GPHN: variants seen among roughly 807,000 people sequenced by gnomAD.
GPHN encodes gephyrin.
GPHN carries 17 observed loss-of-function variants against 95.5 expected under a neutral mutation model. The ratio of observed to expected loss-of-function variants is 0.18; its 90% CI spans 0.12 to 0.27. The LOEUF is 0.27. GPHN is among the 10% of genes least tolerant of loss of function. GPHN has a pLI of 1.00. For missense variants in GPHN, 660 were observed against 978.1 expected (o/e 0.67, Z 4.34); for synonymous variants, 320 against 322.5 (o/e 0.99, Z 0.08).
the GPHN span, chr14:67,336,587 C>T: frequency 2.7e-6 from 1 of 373,842 alleles, no homozygotes; most frequent in Non-Finnish European, 5.3e-6. Context: ...TAATTTTTGC[C>T]TCCTAGAAAG....
At chr14:67,733,883 C>G in the GPHN span, 3 of 1,491,938 alleles carry the variant, frequency 2.0e-6, no homozygotes, top group Non-Finnish European at 2.8e-6. Flanking sequence ...CAGGCCCAAT[C>G]CATGCCATAA....
chr14:67,169,585 C>T (rs773627203), intron 21 of GPHN, among the ~76,000 whole-genome samples: 16 of 152,220 alleles, frequency 1.1e-4, no homozygotes, highest in Non-Finnish European at 1.9e-4. Context: ...ATTAGGTCTC[C>T]TTCTCCACCA....
At chr14:67,178,567 T>C (rs1000416796) in intron 21 of GPHN, among the ~76,000 whole-genome samples, 2 of 152,218 alleles carry the variant, frequency 1.3e-5, no homozygotes, top group Non-Finnish European at 2.9e-5. Context: ...AGGAATATCC[T>C]TGTGGTGTTC....
chr14:67,730,840 T>C, the GPHN span, among the ~76,000 whole-genome samples: 3 of 152,024 alleles, frequency 2.0e-5, no homozygotes, highest in Non-Finnish European at 2.9e-5. Context: ...CTGACGTCAG[T>C]TGATCCACCT....
the GPHN span, chr14:67,352,969 T>G: frequency 6.2e-7 from 1 of 1,614,026 alleles, no homozygotes; most frequent in Non-Finnish European, 8.5e-7. Context: ...AGTTAAGGCA[T>G]CAGATTTTTT....
At chr14:66,975,307 T>G (rs2070137533) in intron 9 of GPHN, among the ~76,000 whole-genome samples, 1 of 152,188 alleles carries the variant, frequency 6.6e-6, no homozygotes, top group African/African-American at 2.4e-5. Context: ...CTCAGTAACT[T>G]CTGTTATTTC....
chr14:67,023,654 AAGG>A lies in GPHN; in HGVS notation c.988_990del (p.Glu330del). The stretch of plus-strand genomic sequence containing the variant: ...ACAGGTCCAGTCCAGGTGCAGCAGC[AAGG>A]AGAACATTCTCAGAGCCAGTAAGTA... On this transcript the variant is annotated inframe_deletion, in exon 10 of 23. Coordinates refer to ENST00000478722, the MANE Select transcript of GPHN (RefSeq NM_020806.5). The A allele has an allele frequency of 6.2e-7, 1 of 1,613,584 alleles. No individual in the cohort carries two copies. Among genetic ancestry groups the A allele is most frequent in the Non-Finnish European group, 8.5e-7 (1 of 1,179,542 alleles).
At chr14:67,474,177 G>A in the GPHN span, among the ~76,000 whole-genome samples, 8 of 151,904 alleles carry the variant, frequency 5.3e-5, no homozygotes, top group Non-Finnish European at 1.2e-4. Context: ...GCTTGAACCC[G>A]CAAGGCAGAG....
chr14:66,972,773 A>G (rs1364281828), intron 9 of GPHN, among the ~76,000 whole-genome samples: 2 of 152,130 alleles, frequency 1.3e-5, no homozygotes, highest in African/African-American at 2.4e-5. Flanking sequence ...TATAGTAAAT[A>G]TTAAATTTAC....
chr14:66,865,794 C>A (rs1418071554), intron 4 of GPHN, among the ~76,000 whole-genome samples: 1 of 152,120 alleles, frequency 6.6e-6, no homozygotes, highest in East Asian at 1.9e-4. Flanking sequence ...TGCCTGCTTA[C>A]AAAATCTTTC....
At chr14:67,339,283 C>A in the GPHN span, among the ~76,000 whole-genome samples, 1 of 152,132 alleles carries the variant, frequency 6.6e-6, no homozygotes. Flanking sequence ...AGGCATGAGC[C>A]ACCGAGCCCA....
At chr14:67,521,725 G>T in the GPHN span, among the ~76,000 whole-genome samples, 1 of 152,184 alleles carries the variant, frequency 6.6e-6, no homozygotes. Context: ...ATTAGCACAG[G>T]TTGATAAGAA....
intron 8 of GPHN, among the ~76,000 whole-genome samples, chr14:66,944,542 A>G (rs1171210882): frequency 1.3e-5 from 2 of 152,232 alleles, no homozygotes; most frequent in Admixed American, 1.3e-4. Flanking sequence ...AGAGAATATA[A>G]ACAGTGATCC....
the GPHN span, among the ~76,000 whole-genome samples, chr14:67,623,985 C>T: frequency 1.6e-4 from 25 of 152,234 alleles, 1 homozygote; most frequent in South Asian, 5.2e-3. Flanking sequence ...GGACTACAGA[C>T]ACATGCCAGT....
chr14:67,675,462 T>G, the GPHN span, among the ~76,000 whole-genome samples: 8 of 151,908 alleles, frequency 5.3e-5, no homozygotes, highest in African/African-American at 1.9e-4. Flanking sequence ...TGGAGCGAGA[T>G]CTTGTCTCCA....
At chr14:67,729,079 G>T in the GPHN span, 1 of 1,082,950 alleles carries the variant, frequency 9.2e-7, no homozygotes, top group East Asian at 2.3e-5. Flanking sequence ...TGAATCCTGG[G>T]GTTATGTTTC....
chr14:67,054,476 C>G (rs1344197469), intron 10 of GPHN, among the ~76,000 whole-genome samples: 1 of 152,162 alleles, frequency 6.6e-6, no homozygotes, highest in African/African-American at 2.4e-5. Context: ...GAAAAACATT[C>G]CACGCTCATG....
At chr14:67,126,965 A>G (rs1453806066) in intron 17 of GPHN, among the ~76,000 whole-genome samples, 1 of 152,096 alleles carries the variant, frequency 6.6e-6, no homozygotes, top group Non-Finnish European at 1.5e-5. Flanking sequence ...ATGAAATTGG[A>G]AATGATCATT....
intron 11 of GPHN, among the ~76,000 whole-genome samples, chr14:67,061,228 A>G (rs1406481956): frequency 1.3e-5 from 2 of 151,964 alleles, no homozygotes; most frequent in African/African-American, 2.4e-5. Context: ...TTTAGTAGAG[A>G]TGGGGTTTCT....
Sources: allele counts gnomAD v4.1 joint callset (sites outside exome capture counted in the v4.1 genomes callset), GRCh38; gene constraint gnomAD v4.1.1; transcripts MANE v1.5; gene names NCBI Gene and HGNC (gene_info 2026-07-23, HGNC 2026-07-21).